The following CCDC60 variants were observed in gnomAD, a reference collection of about 807,000 sequenced individuals.
CCDC60 encodes the protein coiled-coil domain-containing protein 60.
CCDC60 carries 54 observed loss-of-function variants against 63.5 expected under a neutral mutation model. The observed-to-expected ratio is 0.85, with a 90% CI of 0.68 to 1.07. CCDC60 has a LOEUF of 1.07. Among genes scored for constraint, CCDC60 ranks in the 50% least tolerant of loss-of-function variants. The pLI is 0.00. For synonymous variants in CCDC60, 206 were observed against 238.8 expected, an observed-to-expected ratio of 0.86 and a Z score of 1.27; for missense variants, 651 against 684.3, an observed-to-expected ratio of 0.95 and a Z score of 0.54.
intron 12 of CCDC60, among the ~76,000 whole-genome samples, chr12:119,530,025 A>G (rs1180001809): frequency 6.6e-6 from 1 of 152,214 alleles, no homozygotes; most frequent in East Asian, 1.9e-4. Flanking sequence ...TTTTCAAATG[A>G]TAGTTATTGA....
rs1041608015 is a variant in CCDC60, at chr12:119,456,644, G to A, written c.171-15350G>A. On this transcript the variant is annotated intron_variant, in intron 2 of 13. Coordinates refer to ENST00000327554, the MANE Select transcript of CCDC60 (RefSeq NM_178499.5). The surrounding 1 kb of genome is among the most constrained non-coding windows in gnomAD (Gnocchi z 4.6). ...TAAAGGAATAAAAGTAAAGCCCCAAGGGCTAATGGTTGCCCATTTTTATGG... is the reference window on the plus strand; with the variant it reads ...TAAAGGAATAAAAGTAAAGCCCCAAAGGCTAATGGTTGCCCATTTTTATGG... 3.3e-5 allele frequency among the ~76,000 whole-genome samples: 5 copies of A among 152,216 alleles called. No individual in the cohort carries two copies. The highest frequency in any genetic ancestry group is 1.3e-4 in the Admixed American group (2 of 15,282).
chr12:119,523,730 G>T lies in CCDC60; in HGVS notation c.1141G>T (p.Gly381Trp), dbSNP rs190737724. 6.2e-7 allele frequency: 1 copy of T among 1,614,162 alleles called. No homozygotes were observed. The highest frequency in any genetic ancestry group is 1.1e-5 in the South Asian group (1 of 91,064). Residue 381 changes from glycine to tryptophan, a missense_variant, in exon 11 of 14, where the codon GGG becomes TGG. Transcript: ENST00000327554. ...TGACATCAACATCCACTACAAGAGT[G>T]GGGTGTGTAACACCATGAGGGCCAA... ...NCDINIHYKS[G>W]VCNTMRAKFY...
intron 3 of CCDC60, among the ~76,000 whole-genome samples, chr12:119,478,052 G>A (rs546903516): frequency 2.6e-4 from 39 of 152,264 alleles, no homozygotes; most frequent in African/African-American, 8.7e-4. Flanking sequence ...AATGTCTCAC[G>A]CCTGTAATCC....
chr12:119,408,504 C>T (rs895794987), intron 1 of CCDC60, among the ~76,000 whole-genome samples: 19 of 152,186 alleles, frequency 1.2e-4, no homozygotes, highest in African/African-American at 3.9e-4. Context: ...CTGGTGCAAA[C>T]GTAGTTGTGG....
intron 7 of CCDC60, among the ~76,000 whole-genome samples, chr12:119,512,664 T>C (rs1952245771): frequency 6.6e-6 from 1 of 152,250 alleles, no homozygotes; most frequent in African/African-American, 2.4e-5. Flanking sequence ...CACTGCTCTC[T>C]GTTCTGAGAT....
At chr12:119,395,555 A>G (rs1297149894) in intron 1 of CCDC60, among the ~76,000 whole-genome samples, 2 of 152,224 alleles carry the variant, frequency 1.3e-5, no homozygotes, top group East Asian at 3.8e-4. Context: ...CTCATGAACC[A>G]ATCACCTCCC....
intron 1 of CCDC60, among the ~76,000 whole-genome samples, chr12:119,347,969 T>C (rs886585690): frequency 2.6e-5 from 4 of 152,182 alleles, no homozygotes; most frequent in Non-Finnish European, 4.4e-5. Flanking sequence ...ACGATTCTTA[T>C]GCTGATCATT....
intron 1 of CCDC60, among the ~76,000 whole-genome samples, chr12:119,411,051 G>A (rs937693717): frequency 2.0e-5 from 3 of 152,092 alleles, no homozygotes; most frequent in African/African-American, 4.8e-5. Context: ...TTTTTTAACC[G>A]AAGTTTTACA....
chr12:119,433,138 C>T (rs1950261491), intron 2 of CCDC60, among the ~76,000 whole-genome samples: 1 of 127,530 alleles, frequency 7.8e-6, no homozygotes, highest in Admixed American at 8.7e-5. Flanking sequence ...CACTACAAAT[C>T]AGGGCTCAGT....
intron 6 of CCDC60, among the ~76,000 whole-genome samples, chr12:119,501,414 G>T (rs977250420): frequency 5.9e-5 from 9 of 152,162 alleles, no homozygotes; most frequent in Non-Finnish European, 1.0e-4. Flanking sequence ...CTTACGTAAG[G>T]TTACCCAGCT....
At chr12:119,531,242 A>G (rs1011655389) in intron 13 of CCDC60, among the ~76,000 whole-genome samples, 179 bp downstream of exon 13, 5 of 152,184 alleles carry the variant, frequency 3.3e-5, no homozygotes, top group Non-Finnish European at 5.9e-5. Flanking sequence ...TGCAAGGGAC[A>G]TTATATTCTA....
chr12:119,466,646 CTCCAAATGTGGA>C, intron 2 of CCDC60, among the ~76,000 whole-genome samples: 1 of 152,332 alleles, frequency 6.6e-6, no homozygotes, highest in East Asian at 1.9e-4. Context: ...TTCAAATCAT[CTCCAAATGTGGA>C]ACCACTACCT....
chr12:119,407,718 T>G (rs193105925), intron 1 of CCDC60, among the ~76,000 whole-genome samples: 1 of 152,350 alleles, frequency 6.6e-6, no homozygotes, highest in East Asian at 1.9e-4. Context: ...ATGCAGTCAC[T>G]CTGCCCCTCC....
chr12:119,388,874 T>C (rs1206922637), intron 1 of CCDC60, among the ~76,000 whole-genome samples: 1 of 145,208 alleles, frequency 6.9e-6, no homozygotes, highest in African/African-American at 2.5e-5. Context: ...GATGTTAAAA[T>C]GCAACTGGAA....
At chr12:119,460,752 A>G (rs2062708656) in intron 2 of CCDC60, among the ~76,000 whole-genome samples, 1 of 152,220 alleles carries the variant, frequency 6.6e-6, no homozygotes, top group South Asian at 2.1e-4. Context: ...CACATGTCCA[A>G]GTCCAAATTC....
At chr12:119,486,955 G>A (rs1340750441) in intron 4 of CCDC60, among the ~76,000 whole-genome samples, 5 of 152,144 alleles carry the variant, frequency 3.3e-5, no homozygotes, top group African/African-American at 7.2e-5. Flanking sequence ...AATTACACAG[G>A]TTCTTAATGG....
chr12:119,428,625 C>A, intron 1 of CCDC60, 58 bp from the exon 2 acceptor site: 1 of 1,204,620 alleles, frequency 8.3e-7, no homozygotes, highest in Non-Finnish European at 1.2e-6. Flanking sequence ...GTGCCTATCT[C>A]CATTTGGAAG....
chr12:119,450,685 C>T (rs572333525), intron 2 of CCDC60, among the ~76,000 whole-genome samples: 3 of 152,162 alleles, frequency 2.0e-5, no homozygotes, highest in Non-Finnish European at 4.4e-5. Flanking sequence ...GGTGAAACCC[C>T]ACCTCTACTA....
chr12:119,485,878 T>C (rs1453446933), intron 4 of CCDC60, among the ~76,000 whole-genome samples: 2 of 152,230 alleles, frequency 1.3e-5, no homozygotes, highest in Non-Finnish European at 2.9e-5. Context: ...TGTTGTCATC[T>C]GCAGAAATGA....
Sources: gnomAD v4.1 joint callset for allele counts (sites outside exome capture counted in the v4.1 genomes callset) on GRCh38, gnomAD v4.1.1 for gene constraint, Gnocchi (gnomAD v3.1) non-coding constraint, MANE v1.5 for transcripts, NCBI Gene and HGNC (gene_info 2026-07-23, HGNC 2026-07-21) for gene names.